Variants in LIMA1 observed in about 807,000 individuals in gnomAD.
LIMA1 encodes LIM domain and actin binding 1.
A neutral mutation model predicts 62.6 loss-of-function variants in LIMA1; 52 were observed. That is an observed-to-expected ratio of 0.83 (90% CI 0.67 to 1.05). The LOEUF (loss-of-function observed/expected upper bound fraction) is 1.05. LIMA1 is among the 50% of genes least tolerant of loss of function. The pLI, the probability that LIMA1 is intolerant of heterozygous loss-of-function variation, is 0.00. For synonymous variants in LIMA1, 302 were observed against 317.8 expected (o/e 0.95, Z 0.53); for missense variants, 780 against 902.2 (o/e 0.86, Z 1.74).
chr12:50,262,823 ATAAG>A (rs1465494839), intron 1 of LIMA1, among the ~76,000 whole-genome samples: 1 of 152,164 alleles, frequency 6.6e-6, no homozygotes, highest in Non-Finnish European at 1.5e-5. Flanking sequence ...TGACTCAAAA[ATAAG>A]TAAGTAAAGG....
chr12:50,258,730 C>T (rs1431391371), intron 1 of LIMA1, among the ~76,000 whole-genome samples: 1 of 147,578 alleles, frequency 6.8e-6, no homozygotes, highest in Admixed American at 6.8e-5. Flanking sequence ...TCACTGCAAC[C>T]TCTGCCTCCC....
intron 1 of LIMA1, among the ~76,000 whole-genome samples, chr12:50,259,842 C>A (rs1942042854): frequency 6.6e-6 from 1 of 152,164 alleles, no homozygotes; most frequent in African/African-American, 2.4e-5. Context: ...AGACTCACTT[C>A]AATAATATTT....
At chr12:50,219,346 G>A (rs112140583) in intron 4 of LIMA1, among the ~76,000 whole-genome samples, 6 of 152,090 alleles carry the variant, frequency 3.9e-5, no homozygotes, top group Admixed American at 6.6e-5. Flanking sequence ...TTAGCTGGGC[G>A]TGGTGGCGGG....
At chr12:50,236,379 C>T (rs931595520) in intron 2 of LIMA1, among the ~76,000 whole-genome samples, 5 of 148,810 alleles carry the variant, frequency 3.4e-5, no homozygotes, top group African/African-American at 7.4e-5. Flanking sequence ...CTCACTGCAA[C>T]GTCTGCCTCC....
intron 1 of LIMA1, among the ~76,000 whole-genome samples, chr12:50,269,373 A>AT (rs560888332): frequency 8.3e-4 from 126 of 152,282 alleles, no homozygotes; most frequent in African/African-American, 2.8e-3. Flanking sequence ...AGCTCTTTTC[A>AT]TTTTTTAGGA....
chr12:50,177,949 C>T lies in LIMA1; in HGVS notation c.1395G>A (p.Trp465Ter). ...GFGHRPHKDL[W>*]ASKNENEEIL... ...TCTCTTCGTTTTCATTTTTGCTTGCCCATAGATCCTTGTGTGGTCTGTGCC... is the reference window on the plus strand; with the variant it reads ...TCTCTTCGTTTTCATTTTTGCTTGCTCATAGATCCTTGTGTGGTCTGTGCC... The change falls in exon 11 of 11, where the codon TGG (tryptophan) becomes TGA (stop). Residue 465 changes from tryptophan (W) to a stop codon, truncating the protein, a stop_gained. Transcript: ENST00000341247. LOFTEE classifies it high-confidence loss of function. The T allele has an allele frequency of 6.2e-7, 1 of 1,613,910 alleles. No homozygotes were observed. Among genetic ancestry groups the T allele is most frequent in the Non-Finnish European group, 8.5e-7 (1 of 1,179,954 alleles).
rs746237939 is a variant in LIMA1 at position 50,200,762 on chromosome 12, G to A, written c.972+15C>T. Reference sequence around the variant, plus strand: ...ATGCTTCCTTGGCAACTGGACATCAGACTTTTCAACCTACCTTTTCCCCTT... The same window carrying A: ...ATGCTTCCTTGGCAACTGGACATCAAACTTTTCAACCTACCTTTTCCCCTT... On this transcript the variant is annotated intron_variant, in intron 7 of 10. Coordinates refer to ENST00000341247, the MANE Select transcript of LIMA1 (RefSeq NM_016357.5). 1 of 1,613,606 alleles carries A rather than the reference G, an allele frequency of 6.2e-7. No individual in the cohort carries two copies. Among genetic ancestry groups the A allele is most frequent in the South Asian group, 1.1e-5 (1 of 91,054 alleles).
Position 50,259,200 on chromosome 12 carries a change from T to TATTC in LIMA1, c.-23-10430_-23-10427dup, listed in dbSNP as rs148432679. ...TTGAAATGTTATCCCGTACTCAACC[T>TATTC]ATTCACCTTAAAAGACTCAAGTGAA... On this transcript the variant is annotated intron_variant, in intron 1 of 10. Coordinates refer to ENST00000341247, the MANE Select transcript of LIMA1 (RefSeq NM_016357.5). Among the ~76,000 whole-genome samples the TATTC allele has an allele frequency of 2.5e-3, 381 of 152,324 alleles. 2 individuals are homozygous for TATTC. Among genetic ancestry groups the TATTC allele is most frequent in the African/African-American group, 8.4e-3 (351 of 41,576 alleles).
intron 1 of LIMA1, among the ~76,000 whole-genome samples, chr12:50,259,008 A>G (rs1258713950): frequency 6.6e-6 from 1 of 152,192 alleles, no homozygotes; most frequent in Non-Finnish European, 1.5e-5. Context: ...TAGCATCACA[A>G]GGTTCATTCT....
At chr12:50,221,389 C>A (rs913303329) in intron 4 of LIMA1, among the ~76,000 whole-genome samples, 70 of 152,188 alleles carry the variant, frequency 4.6e-4, no homozygotes, top group African/African-American at 1.5e-3. Flanking sequence ...GGGACGAGGT[C>A]TGCAATCCAC....
intron 2 of LIMA1, among the ~76,000 whole-genome samples, chr12:50,236,300 CTTTTT>C (rs112036543): frequency 8.3e-6 from 1 of 120,948 alleles, no homozygotes; most frequent in Non-Finnish European, 1.7e-5. Flanking sequence ...ATTTTTTTTT[CTTTTT>C]TTTTTTTTTT....
At chr12:50,260,157 T>C (rs1230159222) in intron 1 of LIMA1, among the ~76,000 whole-genome samples, 1 of 151,954 alleles carries the variant, frequency 6.6e-6, no homozygotes, top group South Asian at 2.1e-4. Context: ...CTTTTTTTTT[T>C]TTTTTTTTAG....
At chr12:50,184,047 A>G (rs1434480410) in intron 9 of LIMA1, among the ~76,000 whole-genome samples, 1 of 152,176 alleles carries the variant, frequency 6.6e-6, no homozygotes, top group African/African-American at 2.4e-5. Context: ...GGATTTAAGA[A>G]GGAAGGAACA....
intron 10 of LIMA1, 131 bp from the exon 11 acceptor site, chr12:50,178,200 C>G (rs1940399489): frequency 1.5e-6 from 1 of 650,074 alleles, no homozygotes; most frequent in Non-Finnish European, 2.4e-6. Flanking sequence ...AAAAGCCCTT[C>G]AGTGACCAGG....
intron 8 of LIMA1, among the ~76,000 whole-genome samples, chr12:50,194,028 C>T (rs1940870633): frequency 6.7e-6 from 1 of 150,352 alleles, no homozygotes; most frequent in African/African-American, 2.5e-5. Flanking sequence ...CACTCTGCTG[C>T]CCAGGCTGGA....
intron 9 of LIMA1, among the ~76,000 whole-genome samples, chr12:50,185,060 A>G (rs917405727): frequency 5.9e-5 from 9 of 152,216 alleles, no homozygotes; most frequent in Admixed American, 4.6e-4. Flanking sequence ...TCTAACTCCT[A>G]ACCTTGTGAT....
intron 4 of LIMA1, among the ~76,000 whole-genome samples, chr12:50,216,980 G>T (rs1429590670): frequency 6.6e-6 from 1 of 151,984 alleles, no homozygotes; most frequent in Non-Finnish European, 1.5e-5. Context: ...TCATTATTTG[G>T]AAGGCAGCTA....
chr12:50,200,776 C>A lies in LIMA1; in HGVS notation c.972+1G>T. The A allele has an allele frequency of 6.2e-7, 1 of 1,613,930 alleles. No homozygotes were observed. Among genetic ancestry groups the A allele is most frequent in the Non-Finnish European group, 8.5e-7 (1 of 1,179,908 alleles). ...ACTGGACATCAGACTTTTCAACCTA[C>A]CTTTTCCCCTTCCTGATGGGTGATG... On this transcript the variant is annotated splice_donor_variant, in intron 7 of 10. Transcript: ENST00000341247. LOFTEE classifies it high-confidence loss of function.
At chr12:50,193,666 AT>A (rs1166489086) in intron 8 of LIMA1, among the ~76,000 whole-genome samples, 3,960 of 59,870 alleles carry the variant, frequency 0.066, 108 homozygotes, top group African/African-American at 0.12. Flanking sequence ...ATATATATAT[AT>A]TTTTTTTTTT....
Sources: gnomAD v4.1 joint callset for allele counts (sites outside exome capture counted in the v4.1 genomes callset) on GRCh38, gnomAD v4.1.1 for gene constraint, MANE v1.5 for transcripts, NCBI Gene and HGNC (gene_info 2026-07-23, HGNC 2026-07-21) for gene names.